The following C12orf43 variants were observed in gnomAD, a reference collection of about 807,000 sequenced individuals.
C12orf43 encodes chromosome 12 open reading frame 43, also known as protein CUSTOS.
C12orf43 carries 15 observed loss-of-function variants against 20.6 expected under a neutral mutation model. That is an observed-to-expected ratio of 0.73 (90% CI 0.49 to 1.12). C12orf43 has a LOEUF of 1.12. C12orf43 is among the 50% of genes most tolerant of loss of function. The pLI is 0.00. For missense variants in C12orf43, 334 were observed against 344.4 expected (o/e 0.97, Z 0.24); for synonymous variants, 144 against 130.8 (o/e 1.10, Z -0.69).
Position 121,005,279 on chromosome 12 carries a change from A to AT in C12orf43, c.362-187dup, listed in dbSNP as rs1427381436. 6.6e-6 allele frequency among the ~76,000 whole-genome samples: 1 copy of AT among 151,362 alleles called. No individual in the cohort carries two copies. The highest frequency in any genetic ancestry group is 1.5e-5 in the Non-Finnish European group (1 of 68,000). On this transcript the variant is annotated intron_variant, in intron 4 of 5. Coordinates refer to ENST00000288757, the MANE Select transcript of C12orf43 (RefSeq NM_022895.3). The surrounding 1 kb of genome is among the most constrained non-coding windows in gnomAD (Gnocchi z 5.6). ...AATAAAAAAATTTAAAAAAGAAACA[A>AT]TAACAAAAAAACCCAACCAAGCAAA...
chr12:121,001,441 T>G lies in C12orf43; in HGVS notation c.*2712A>C, dbSNP rs185557455. On this transcript the variant is annotated 3_prime_UTR_variant, in exon 6 of 6. Coordinates refer to ENST00000288757, the MANE Select transcript of C12orf43 (RefSeq NM_022895.3). ...AGGAGCAAAGCCTGTTCATGGCAGA[T>G]GTAGGAGGGACTGTCGCTGCTTCGT... 9 of 547,286 alleles carry G rather than the reference T, an allele frequency of 1.6e-5. No individual in the cohort carries two copies. The East Asian group carries it at 2.8e-4, about 17-fold the overall frequency. The allele number at this position is 547,286 out of a possible 1,614,324, so 33.9% of individuals were successfully genotyped here.
In C12orf43 at chr12:121,001,713, A is replaced by G. The variant is rs1181600277; in HGVS notation, c.*2440T>C. ...CAACTCCTTCCAGCTAGTGACCCACATGCCATTTGTACTGACCCCATCACC... is the reference window on the plus strand; with the variant it reads ...CAACTCCTTCCAGCTAGTGACCCACGTGCCATTTGTACTGACCCCATCACC... On this transcript the variant is annotated 3_prime_UTR_variant, in exon 6 of 6. Transcript: ENST00000288757. 6.0e-6 allele frequency: 3 copies of G among 499,080 alleles called. No individual in the cohort carries two copies. The highest frequency in any genetic ancestry group is 1.2e-5 in the Non-Finnish European group (3 of 257,174). 30.9% of individuals were successfully genotyped at this position (499,080 alleles called of 1,614,324 possible). A position where few individuals can be genotyped will look rare whatever the true frequency, so the allele number is the denominator to read the frequency against.
Position 121,004,446 on chromosome 12 carries a change from C to T in C12orf43, c.496G>A (p.Val166Met). The T allele has an allele frequency of 1.9e-6, 3 of 1,611,450 alleles. No homozygotes were observed. The highest frequency in any genetic ancestry group is 2.5e-6 in the Non-Finnish European group (3 of 1,178,936). Residue 166 changes from valine (V) to methionine (M), a missense_variant, in exon 6 of 6, where the codon GTG becomes ATG. Coordinates refer to ENST00000288757, the MANE Select transcript of C12orf43 (RefSeq NM_022895.3). This position sits in a 1 kb window ranked among gnomAD's most constrained non-coding sequence, Gnocchi z 5.6. ...EEWRRCREAA[V>M]SASDILQESA... ...TCCTGTAGGATGTCGGACGCCGACA[C>T]AGCTGCCTCCCGGCACCGCCGCCAC...
intron 4 of C12orf43, 162 bp downstream of exon 4, chr12:121,006,159 T>G: frequency 1.6e-6 from 1 of 613,286 alleles, no homozygotes; most frequent in Non-Finnish European, 2.8e-6. Flanking sequence ...GAGGCTGCAT[T>G]GAGCTATAAT....
In C12orf43 at chr12:121,004,460, C is replaced by A; in HGVS notation, c.482G>T (p.Cys161Phe). The change falls in exon 6 of 6, where the codon TGC (cysteine) becomes TTC (phenylalanine). Residue 161 changes from cysteine (C) to phenylalanine (F), a missense_variant. By Grantham distance (205) the Cys-to-Phe change is radical. Transcript: ENST00000288757. The surrounding 1 kb of genome is among the most constrained non-coding windows in gnomAD (Gnocchi z 5.6). ...GGACGCCGACACAGCTGCCTCCCGGCACCGCCGCCACTCCTCGTCACTGTC... is the reference window on the plus strand; with the variant it reads ...GGACGCCGACACAGCTGCCTCCCGGAACCGCCGCCACTCCTCGTCACTGTC... ...SEDSDEEWRR[C>F]REAAVSASDI... The A allele has an allele frequency of 6.2e-7, 1 of 1,608,390 alleles. No individual in the cohort carries two copies. Among genetic ancestry groups the A allele is most frequent in the Non-Finnish European group, 8.5e-7 (1 of 1,177,650 alleles).
intron 3 of C12orf43, among the ~76,000 whole-genome samples, chr12:121,007,680 T>A (rs2135872357): frequency 6.6e-6 from 1 of 152,338 alleles, no homozygotes; most frequent in Admixed American, 6.5e-5. Flanking sequence ...CCAGGAAGCA[T>A]GTGTCTGGTG....
chr12:121,010,418 G>A (rs1043196857), intron 3 of C12orf43, among the ~76,000 whole-genome samples: 2 of 152,094 alleles, frequency 1.3e-5, no homozygotes, highest in African/African-American at 2.4e-5. Flanking sequence ...ACTTAATAGC[G>A]GTGTCCCCTG....
At chr12:121,009,707 G>A (rs1565896362) in intron 3 of C12orf43, among the ~76,000 whole-genome samples, 1 of 152,156 alleles carries the variant, frequency 6.6e-6, no homozygotes, top group Non-Finnish European at 1.5e-5. Flanking sequence ...CCTCCAAAAT[G>A]TGAGAAATAC....
chr12:121,002,468 C>T lies in C12orf43; in HGVS notation c.*1685G>A, dbSNP rs776099614. 5.7e-6 allele frequency: 3 copies of T among 523,874 alleles called. No homozygotes were observed. Among genetic ancestry groups the T allele is most frequent in the African/African-American group, 3.8e-5 (2 of 53,164 alleles). 32.5% of individuals were successfully genotyped at this position (523,874 alleles called of 1,614,324 possible). On this transcript the variant is annotated 3_prime_UTR_variant, in exon 6 of 6. Transcript: ENST00000288757. Reference sequence around the variant, plus strand: ...TTGTAGCCAGCCGGGGCGAGTGGCACGTTTATTTAACTTTTAGTAAAGTCA... The same window carrying T: ...TTGTAGCCAGCCGGGGCGAGTGGCATGTTTATTTAACTTTTAGTAAAGTCA...
At chr12:121,006,550 T>C (rs2135869824) in intron 3 of C12orf43, 156 bp from the exon 4 acceptor site, 1 of 665,884 alleles carries the variant, frequency 1.5e-6, no homozygotes, top group East Asian at 2.7e-5. Context: ...GGTTATAACA[T>C]GCTGACCAGC....
chr12:121,016,223 G>A, intron 1 of C12orf43, 107 bp downstream of exon 1: 2 of 1,553,714 alleles, frequency 1.3e-6, no homozygotes, highest in South Asian at 1.1e-5. Flanking sequence ...AGGTCTCTCG[G>A]GGAAGGAAGC....
intron 1 of C12orf43, among the ~76,000 whole-genome samples, chr12:121,014,363 T>C (rs533353523): frequency 1.4e-3 from 206 of 151,536 alleles, no homozygotes; most frequent in African/African-American, 4.6e-3. Context: ...GCGCGGTGGC[T>C]CACACCTGTA....
Position 121,013,719 on chromosome 12 carries a change from C to T in C12orf43, c.146-2573G>A, listed in dbSNP as rs75120719. 3.0e-3 allele frequency among the ~76,000 whole-genome samples: 456 copies of T among 152,286 alleles called. 14 individuals carry two copies. In the East Asian group the frequency reaches 0.072, roughly 24 times the overall value. On this transcript the variant is annotated intron_variant, in intron 1 of 5. Coordinates refer to ENST00000288757, the MANE Select transcript of C12orf43 (RefSeq NM_022895.3). ...AATAAAATAGTGACCTATATTTCCA[C>T]AGTCATGGACCAAAGGGTGGGAGTT...
rs1878387524 is a variant in C12orf43 at position 121,010,743 on chromosome 12, T to C, written c.287+85A>G. On this transcript the variant is annotated intron_variant, in intron 3 of 5. Transcript: ENST00000288757. ...CCAGGTGCCTGCCACCGTGCCAGCC[T>C]GGACACCGTGAGCTCCCAGCCAATG... 9 of 1,102,394 alleles carry C rather than the reference T, an allele frequency of 8.2e-6. No individual in the cohort carries two copies. In the Admixed American group the frequency reaches 2.2e-4, roughly 27 times the overall value. 68.3% of individuals were successfully genotyped at this position (1,102,394 alleles called of 1,614,324 possible). A position where few individuals can be genotyped will look rare whatever the true frequency, so the allele number is the denominator to read the frequency against.
In C12orf43 at chr12:121,004,167, T is replaced by C. The variant is rs1877765967; in HGVS notation, c.775A>G (p.Ile259Val). ...PFPPAKSATAIPAN is the reference protein window; with the variant it reads ...PFPPAKSATAVPAN ...CATGGCTGGGTTCAGTTTGCAGGTA[T>C]AGCTGTAGCACTCTTTGCTGGTGGG... The change falls in exon 6 of 6, where the codon ATA becomes GTA. Residue 259 changes from isoleucine (I) to valine (V), a missense_variant. Physicochemically the swap from Ile to Val is conservative, Grantham distance 29. Coordinates refer to ENST00000288757, the MANE Select transcript of C12orf43 (RefSeq NM_022895.3). The surrounding 1 kb of genome is among the most constrained non-coding windows in gnomAD (Gnocchi z 5.6). 1 of 1,614,084 alleles carries C rather than the reference T, an allele frequency of 6.2e-7. No homozygotes were observed. Among genetic ancestry groups the C allele is most frequent in the African/African-American group, 1.3e-5 (1 of 74,932 alleles).
rs747058870 is a variant in C12orf43 at position 121,016,376 on chromosome 12, A to G, written c.99T>C (p.Ala33=). The part of the protein sequence containing the change: ...LERCREAAMP[A]WGLEQRPHVA... ...CGTGCGGGCGTTGCTCCAAGCCCCA[A>G]GCCGGCATTGCCGCCTCGCGGCACC... The change falls in exon 1 of 6, where the codon GCT becomes GCC. Residue 33 remains alanine (A), a synonymous_variant. Coordinates refer to ENST00000288757, the MANE Select transcript of C12orf43 (RefSeq NM_022895.3). 1.2e-6 allele frequency: 2 copies of G among 1,613,936 alleles called. No individual in the cohort carries two copies. The highest frequency in any genetic ancestry group is 2.2e-5 in the South Asian group (2 of 91,082).
Position 121,002,034 on chromosome 12 carries a change from T to A in C12orf43, c.*2119A>T, listed in dbSNP as rs1172128876. 1 of 536,720 alleles carries A rather than the reference T, an allele frequency of 1.9e-6. No individual in the cohort carries two copies. Among genetic ancestry groups the A allele is most frequent in the Non-Finnish European group, 3.6e-6 (1 of 276,722 alleles). The allele number at this position is 536,720 out of a possible 1,614,324, so 33.2% of individuals were successfully genotyped here. On this transcript the variant is annotated 3_prime_UTR_variant, in exon 6 of 6. Coordinates refer to ENST00000288757, the MANE Select transcript of C12orf43 (RefSeq NM_022895.3). ...CGCAACCCGTGCCAAGTCCAGGTCCTGGTGGGGCAGCTCCTCTGTCTCGAG... is the reference window on the plus strand; with the variant it reads ...CGCAACCCGTGCCAAGTCCAGGTCCAGGTGGGGCAGCTCCTCTGTCTCGAG...
intron 1 of C12orf43, among the ~76,000 whole-genome samples, chr12:121,015,759 C>A (rs1313250912): frequency 6.6e-6 from 1 of 152,216 alleles, no homozygotes. Flanking sequence ...GCCAGAACTA[C>A]TGTGGCTTAG....
chr12:121,009,913 T>A (rs990124428), intron 3 of C12orf43, among the ~76,000 whole-genome samples: 7 of 152,164 alleles, frequency 4.6e-5, no homozygotes, highest in Non-Finnish European at 8.8e-5. Flanking sequence ...ACCCAAGAAA[T>A]AGGAACACGG....
Sources: gnomAD v4.1 joint callset for allele counts (sites outside exome capture counted in the v4.1 genomes callset) on GRCh38, gnomAD v4.1.1 for gene constraint, Gnocchi (gnomAD v3.1) non-coding constraint, MANE v1.5 for transcripts, NCBI Gene and HGNC (gene_info 2026-07-23, HGNC 2026-07-21) for gene names.